The following MARCHF7 variants were observed in gnomAD, a reference collection of about 807,000 sequenced individuals.
MARCHF7 encodes membrane associated ring-CH-type finger 7.
MARCHF7 carries 20 observed loss-of-function variants against 76.5 expected under a neutral mutation model. That is an observed-to-expected ratio of 0.26 (90% CI 0.18 to 0.38). The LOEUF (loss-of-function observed/expected upper bound fraction) is 0.38. MARCHF7 is among the 10% of genes least tolerant of loss of function. The probability of loss-of-function intolerance (pLI) is 1.00; values close to 1 mark genes in which losing one functional copy is unlikely to be tolerated. For synonymous variants in MARCHF7, 295 were observed against 293.0 expected (o/e 1.01, Z -0.07); for missense variants, 797 against 812.9 (o/e 0.98, Z 0.24).
At chr2:159,734,292 G>A (rs1476746038) in intron 4 of MARCHF7, among the ~76,000 whole-genome samples, 1 of 150,224 alleles carries the variant, frequency 6.7e-6, no homozygotes, top group Non-Finnish European at 1.5e-5. Context: ...CTTTTTATAA[G>A]GTTGTAGGGG....
intron 5 of MARCHF7, among the ~76,000 whole-genome samples, chr2:159,745,346 C>T (rs949571768): frequency 7.2e-5 from 11 of 151,980 alleles, no homozygotes; most frequent in East Asian, 1.9e-4. Context: ...ACTATATAAC[C>T]GGGGATTCTC....
At chr2:159,713,375 A>G (rs1263642859) in intron 1 of MARCHF7, among the ~76,000 whole-genome samples, 2 of 152,206 alleles carry the variant, frequency 1.3e-5, no homozygotes, top group Non-Finnish European at 2.9e-5. Context: ...CTTTTTCTCA[A>G]GTACCAAAGT....
intron 1 of MARCHF7, among the ~76,000 whole-genome samples, chr2:159,713,708 A>G (rs527421727): frequency 1.3e-5 from 2 of 152,308 alleles, no homozygotes; most frequent in East Asian, 1.9e-4. Flanking sequence ...TAATATTTTT[A>G]TTTAACAGCT....
intron 10 of MARCHF7, among the ~76,000 whole-genome samples, chr2:159,763,879 G>A (rs1707399531): frequency 6.6e-6 from 1 of 152,084 alleles, no homozygotes; most frequent in Non-Finnish European, 1.5e-5. Flanking sequence ...TACCATTGAA[G>A]AGCATTCATA....
chr2:159,760,487 T>C (rs987849181), intron 9 of MARCHF7, among the ~76,000 whole-genome samples: 2 of 152,210 alleles, frequency 1.3e-5, no homozygotes. Context: ...AGAAAATCAC[T>C]TTCAGCAATG....
intron 4 of MARCHF7, among the ~76,000 whole-genome samples, chr2:159,739,390 T>C (rs1211821274): frequency 6.6e-6 from 1 of 152,172 alleles, no homozygotes; most frequent in Non-Finnish European, 1.5e-5. Context: ...ATATCAAACA[T>C]CAAGTTACTA....
chr2:159,725,558 C>A (rs1347687319), intron 3 of MARCHF7, among the ~76,000 whole-genome samples: 1 of 152,028 alleles, frequency 6.6e-6, no homozygotes. Context: ...AATTTAAGTT[C>A]TTTGTAGATT....
intron 9 of MARCHF7, 131 bp downstream of exon 9, chr2:159,759,466 A>T (rs571444247): frequency 2.3e-6 from 1 of 436,710 alleles, no homozygotes; most frequent in Non-Finnish European, 4.1e-6. Flanking sequence ...TGTTCTTAAC[A>T]TAATTCTGTT....
At chr2:159,753,561 AAAGTT>A (rs986099223) in intron 8 of MARCHF7, among the ~76,000 whole-genome samples, 2 of 152,126 alleles carry the variant, frequency 1.3e-5, no homozygotes, top group African/African-American at 4.8e-5. Context: ...AAAAAAAAAA[AAAGTT>A]GAGATGAGAA....
rs1382661074 is a variant in MARCHF7 at position 159,769,981 on chromosome 2, CAT to C, written c.*2640_*2641del. The C allele has an allele frequency of 1.1e-4, 17 of 152,296 alleles. No individual in the cohort carries two copies. Among genetic ancestry groups the C allele is most frequent in the Admixed American group, 3.9e-4 (6 of 15,302 alleles). 9.4% of individuals were successfully genotyped at this position (152,296 alleles called of 1,614,324 possible). A position where few individuals can be genotyped will look rare whatever the true frequency, so the allele number is the denominator to read the frequency against. ...TAAACTAAATTTACTTAAATAGCCT[CAT>C]GTGGCTAGTGGCTCATTGGACATTG... On this transcript the variant is annotated 3_prime_UTR_variant, in exon 12 of 12. Coordinates refer to ENST00000409175, the MANE Select transcript of MARCHF7 (RefSeq NM_001282805.2).
intron 3 of MARCHF7, among the ~76,000 whole-genome samples, chr2:159,728,482 G>A (rs1039533368): frequency 4.6e-5 from 7 of 152,164 alleles, no homozygotes; most frequent in African/African-American, 1.7e-4. Context: ...AAATTACAAT[G>A]CATAGTAGTA....
At chr2:159,733,831 C>G (rs1368379360) in intron 4 of MARCHF7, 1 of 1,167,364 alleles carries the variant, frequency 8.6e-7, no homozygotes, top group Admixed American at 4.6e-5. Flanking sequence ...GGTGGTTTCT[C>G]TCACTTACAC....
At chr2:159,720,784 A>G (rs1012662216) in intron 3 of MARCHF7, among the ~76,000 whole-genome samples, 2 of 152,172 alleles carry the variant, frequency 1.3e-5, no homozygotes, top group South Asian at 2.1e-4. Context: ...TTGAACTTCC[A>G]TTTACCAAGC....
chr2:159,750,445 A>G (rs1276960537), intron 7 of MARCHF7, among the ~76,000 whole-genome samples: 1 of 152,166 alleles, frequency 6.6e-6, no homozygotes, highest in Non-Finnish European at 1.5e-5. Flanking sequence ...GAATTGCTTG[A>G]ACCTGGGAGG....
At chr2:159,727,438 A>AT (rs1405563410) in intron 3 of MARCHF7, among the ~76,000 whole-genome samples, 2 of 152,100 alleles carry the variant, frequency 1.3e-5, no homozygotes, top group Non-Finnish European at 2.9e-5. Flanking sequence ...ATACAAAAAA[A>AT]TTAGCTGGGC....
intron 8 of MARCHF7, among the ~76,000 whole-genome samples, chr2:159,753,199 A>T (rs1705864572): frequency 6.6e-6 from 1 of 152,166 alleles, no homozygotes; most frequent in Non-Finnish European, 1.5e-5. Flanking sequence ...GTGGGAATCA[A>T]CTTAGGTCTA....
At chr2:159,726,748 A>G (rs1246953890) in intron 3 of MARCHF7, among the ~76,000 whole-genome samples, 3 of 152,214 alleles carry the variant, frequency 2.0e-5, no homozygotes, top group African/African-American at 7.2e-5. Flanking sequence ...ATCTATCTCC[A>G]TAATTCTTTT....
chr2:159,715,707 G>C lies in MARCHF7; in HGVS notation c.-74G>C, dbSNP rs746681323. The C allele has an allele frequency of 6.6e-6, 1 of 151,994 alleles. No individual in the cohort carries two copies. 9.4% of individuals were successfully genotyped at this position (151,994 alleles called of 1,614,324 possible). On this transcript the variant is annotated 5_prime_UTR_variant, in exon 3 of 12. The change abolishes an upstream ATG in the 5' untranslated region. Coordinates refer to ENST00000409175, the MANE Select transcript of MARCHF7 (RefSeq NM_001282805.2). ...TTTCTGCCCTGGCATGAACTTACAT[G>C]GTCAGAGCTGGTTTTTCCTGCCCTC...
chr2:159,759,886 C>T (rs1436218835), intron 9 of MARCHF7, among the ~76,000 whole-genome samples: 1 of 152,118 alleles, frequency 6.6e-6, no homozygotes, highest in East Asian at 1.9e-4. Context: ...TGTTTGAGGC[C>T]AGGAGTTTGA....
Sources: gnomAD v4.1 joint callset for allele counts (sites outside exome capture counted in the v4.1 genomes callset) on GRCh38, gnomAD v4.1.1 for gene constraint, MANE v1.5 for transcripts, NCBI Gene and HGNC (gene_info 2026-07-23, HGNC 2026-07-21) for gene names.